Variants in SLC28A3 observed in about 807,000 individuals in gnomAD.
SLC28A3 encodes solute carrier family 28 member 3.
In SLC28A3, 68 loss-of-function variants were observed where a neutral mutation model predicts 84.2. The observed-to-expected ratio is 0.81, with a 90% CI of 0.66 to 0.99. The LOEUF is 0.99. SLC28A3 is among the 50% of genes least tolerant of loss of function. The probability of loss-of-function intolerance (pLI) is 0.00; values close to 1 mark genes in which losing one functional copy is unlikely to be tolerated. For synonymous variants in SLC28A3, 267 were observed against 303.6 expected, an observed-to-expected ratio of 0.88 and a Z score of 1.25; for missense variants, 712 against 841.5, an observed-to-expected ratio of 0.85 and a Z score of 1.90.
At chr9:84,327,194 A>G (rs1826595775) in intron 1 of SLC28A3, among the ~76,000 whole-genome samples, 1 of 152,090 alleles carries the variant, frequency 6.6e-6, no homozygotes, top group Non-Finnish European at 1.5e-5. Flanking sequence ...AGGGGCCTCA[A>G]TTATTTTCCC....
intron 10 of SLC28A3, among the ~76,000 whole-genome samples, chr9:84,292,405 C>G (rs1223417916): frequency 1.3e-5 from 2 of 152,132 alleles, no homozygotes; most frequent in Non-Finnish European, 2.9e-5. Flanking sequence ...GAACCCAATT[C>G]TACATACCAT....
chr9:84,292,681 A>G lies in SLC28A3; in HGVS notation c.1010T>C (p.Ile337Thr). Residue 337 changes from isoleucine (I) to threonine (T), a missense_variant, in exon 10 of 18, where the codon ATA becomes ACA. Transcript: ENST00000376238. ...PIESVVASGN[I>T]FVGQTESPLL... ...ATTACAACTTACTTGTCCAACAAAT[A>G]TATTGCCAGAAGCAACTACAGATTC... The G allele has an allele frequency of 6.2e-7, 1 of 1,609,988 alleles. No individual in the cohort carries two copies. The highest frequency in any genetic ancestry group is 8.5e-7 in the Non-Finnish European group (1 of 1,178,556).
rs11568420 is a variant in SLC28A3 at position 84,278,410 on chromosome 9, A to G, written c.1950-66T>C. ...TGGCAGAAACAGTAGGTGAGCAGAC[A>G]ATGACATTAAAAATAGTTCAGGGCA... On this transcript the variant is annotated intron_variant, in intron 17 of 17. Transcript: ENST00000376238. 4.6e-4 allele frequency: 734 copies of G among 1,593,862 alleles called. 4 individuals are homozygous for G. The African/African-American group carries it at 8.3e-3, about 18-fold the overall frequency.
At chr9:84,285,220 GGTT>G in intron 14 of SLC28A3, 122 bp downstream of exon 14, 2 of 860,060 alleles carry the variant, frequency 2.3e-6, no homozygotes, top group Non-Finnish European at 3.6e-6. Context: ...ATGGATTTTA[GGTT>G]GTTTTGCTCT....
the SLC28A3 span, among the ~76,000 whole-genome samples, chr9:84,345,930 T>C: frequency 6.6e-6 from 1 of 152,162 alleles, no homozygotes; most frequent in South Asian, 2.1e-4. Flanking sequence ...TTTTGTCCAA[T>C]TAGGAAATAG....
At chr9:84,340,529 C>T in intron 1 of SLC28A3, 45 bp downstream of exon 1, 1 of 1,607,572 alleles carries the variant, frequency 6.2e-7, no homozygotes, top group Non-Finnish European at 8.5e-7. Context: ...GAAAGGGCAG[C>T]TTTTCCACTG....
chr9:84,294,373 A>G lies in SLC28A3; in HGVS notation c.862-98T>C, dbSNP rs11568390. ...CTCTGTCTCCTTTTCTCCCTCTGAA[A>G]CATCATAAAAATATGGGAAACTCCT... On this transcript the variant is annotated intron_variant, in intron 8 of 17. Coordinates refer to ENST00000376238, the MANE Select transcript of SLC28A3 (RefSeq NM_001199633.2). 322 of 1,118,338 alleles carry G rather than the reference A, an allele frequency of 2.9e-4. No homozygotes were observed. In the African/African-American group the frequency reaches 4.4e-3, roughly 15 times the overall value. 69.3% of individuals were successfully genotyped at this position (1,118,338 alleles called of 1,614,324 possible).
chr9:84,282,902 T>C (rs533125655), intron 14 of SLC28A3, among the ~76,000 whole-genome samples: 1 of 152,342 alleles, frequency 6.6e-6, no homozygotes, highest in African/African-American at 2.4e-5. Flanking sequence ...CTGAGAACTC[T>C]CCTTTGTTGA....
chr9:84,296,042 A>G (rs980033931), intron 8 of SLC28A3, among the ~76,000 whole-genome samples: 1 of 152,222 alleles, frequency 6.6e-6, no homozygotes, highest in Non-Finnish European at 1.5e-5. Context: ...AGGAAAGAAT[A>G]GGGGCCACTG....
At chr9:84,319,175 T>C (rs1427309014) in intron 1 of SLC28A3, among the ~76,000 whole-genome samples, 1 of 152,228 alleles carries the variant, frequency 6.6e-6, no homozygotes, top group Non-Finnish European at 1.5e-5. Flanking sequence ...CGCTGGGCCC[T>C]CTTCCCTACT....
chr9:84,284,314 C>T (rs1489426323), intron 14 of SLC28A3, among the ~76,000 whole-genome samples: 1 of 152,146 alleles, frequency 6.6e-6, no homozygotes, highest in African/African-American at 2.4e-5. Flanking sequence ...TCTACAGAGT[C>T]CCTGCTCATG....
Position 84,279,985 on chromosome 9 carries a change from G to A in SLC28A3, c.1818C>T (p.Ala606=). ...IAGTVACFMT[A]CIAGILSSTP... ...GACAGGGTGCGGTACCTGCGATGCA[G>A]GCTGTCATGAAGCAGGCCACGGTCC... The change falls in exon 16 of 18, where the codon GCC becomes GCT. Residue 606 remains alanine, a synonymous_variant. Transcript: ENST00000376238. 1.2e-6 allele frequency: 2 copies of A among 1,613,898 alleles called. No homozygotes were observed. Among genetic ancestry groups the A allele is most frequent in the East Asian group, 2.2e-5 (1 of 44,884 alleles).
At chr9:84,339,818 C>G (rs1389116835) in intron 1 of SLC28A3, among the ~76,000 whole-genome samples, 2 of 152,142 alleles carry the variant, frequency 1.3e-5, no homozygotes, top group Non-Finnish European at 2.9e-5. Flanking sequence ...TGTCAAAGCC[C>G]TTTTACCTCC....
chr9:84,326,840 A>T (rs988365648), intron 1 of SLC28A3, among the ~76,000 whole-genome samples: 1 of 151,840 alleles, frequency 6.6e-6, no homozygotes, highest in Non-Finnish European at 1.5e-5. Context: ...ATCCCATCTC[A>T]ACTAAAAATA....
chr9:84,280,452 A>G (rs146239815), intron 15 of SLC28A3, among the ~76,000 whole-genome samples: 21 of 152,372 alleles, frequency 1.4e-4, no homozygotes, highest in Non-Finnish European at 2.5e-4. Flanking sequence ...CCCGTGGCAG[A>G]CACCACTAAG....
chr9:84,309,288 C>T (rs1422016809), intron 3 of SLC28A3, among the ~76,000 whole-genome samples: 2 of 151,660 alleles, frequency 1.3e-5, no homozygotes, highest in Non-Finnish European at 2.9e-5. Context: ...TTTGGGAGGT[C>T]GAGGTGGGTG....
At chr9:84,303,752 C>A (rs187221456) in intron 4 of SLC28A3, among the ~76,000 whole-genome samples, 1 of 152,142 alleles carries the variant, frequency 6.6e-6, no homozygotes, top group African/African-American at 2.4e-5. Context: ...CTTTGCTTTA[C>A]CTTTTGACTT....
chr9:84,360,304 C>A, the SLC28A3 span, among the ~76,000 whole-genome samples: 4 of 151,904 alleles, frequency 2.6e-5, no homozygotes, highest in Non-Finnish European at 4.4e-5. Flanking sequence ...AATAACTAGG[C>A]CACGGGTTGT....
chr9:84,326,405 C>T (rs1826549873), intron 1 of SLC28A3, among the ~76,000 whole-genome samples: 1 of 151,980 alleles, frequency 6.6e-6, no homozygotes. Context: ...AAAAACAAAA[C>T]AAAACCTAGA....
Sources: allele counts gnomAD v4.1 joint callset (sites outside exome capture counted in the v4.1 genomes callset), GRCh38; gene constraint gnomAD v4.1.1; transcripts MANE v1.5; gene names NCBI Gene and HGNC (gene_info 2026-07-23, HGNC 2026-07-21).